THRB: variants seen among roughly 807,000 people sequenced by gnomAD.
The protein encoded by THRB is thyroid hormone receptor beta.
THRB carries 12 observed loss-of-function variants against 47.8 expected under a neutral mutation model. The ratio of observed to expected loss-of-function variants is 0.25; its 90% CI spans 0.16 to 0.41. The LOEUF is 0.41. THRB is among the 10% of genes least tolerant of loss of function. The probability of loss-of-function intolerance (pLI) is 1.00; values close to 1 mark genes in which losing one functional copy is unlikely to be tolerated. For missense variants in THRB, 348 were observed against 589.2 expected, an observed-to-expected ratio of 0.59 and a Z score of 4.24; for synonymous variants, 218 against 212.2, an observed-to-expected ratio of 1.03 and a Z score of -0.24.
chr3:24,248,035 G>T (rs936086596), intron 3 of THRB, among the ~76,000 whole-genome samples: 2 of 152,084 alleles, frequency 1.3e-5, no homozygotes, highest in Admixed American at 6.5e-5. Context: ...TACTTAAGTG[G>T]CAGGAAAACC....
intron 3 of THRB, among the ~76,000 whole-genome samples, chr3:24,283,802 C>G (rs897468096): frequency 6.6e-6 from 1 of 151,884 alleles, no homozygotes; most frequent in African/African-American, 2.4e-5. Context: ...AGACAGAGAG[C>G]CAAATCATGA....
chr3:24,398,666 G>C (rs1037746857), intron 1 of THRB, among the ~76,000 whole-genome samples: 4 of 152,290 alleles, frequency 2.6e-5, no homozygotes, highest in Non-Finnish European at 5.9e-5. Flanking sequence ...GGAAGTCAGT[G>C]TGGCGATTCC....
At chr3:24,126,330 G>A (rs974615066) in intron 10 of THRB, among the ~76,000 whole-genome samples, 2 of 151,982 alleles carry the variant, frequency 1.3e-5, no homozygotes, top group Non-Finnish European at 2.9e-5. Context: ...GCGATGAGCT[G>A]TCTTTACACC....
chr3:24,432,065 T>C (rs138647707), intron 1 of THRB, among the ~76,000 whole-genome samples: 1 of 152,170 alleles, frequency 6.6e-6, no homozygotes, highest in African/African-American at 2.4e-5. Context: ...ATACTACATA[T>C]TTAATATCAA....
chr3:24,251,848 A>T (rs2050703121), intron 3 of THRB, among the ~76,000 whole-genome samples: 1 of 152,120 alleles, frequency 6.6e-6, no homozygotes, highest in South Asian at 2.1e-4. Flanking sequence ...AAAATTTGGA[A>T]AAGACAGCAT....
At chr3:24,389,226 T>G (rs1230523061) in intron 1 of THRB, among the ~76,000 whole-genome samples, 1 of 152,146 alleles carries the variant, frequency 6.6e-6, no homozygotes, top group Admixed American at 6.6e-5. Context: ...TAGAATTCCT[T>G]TACTGACTGA....
At chr3:24,304,476 G>A (rs2057191338) in intron 2 of THRB, among the ~76,000 whole-genome samples, 1 of 151,828 alleles carries the variant, frequency 6.6e-6, no homozygotes, top group East Asian at 1.9e-4. Context: ...AAGCTATCTA[G>A]TATTAATAAA....
intron 3 of THRB, among the ~76,000 whole-genome samples, chr3:24,255,295 C>T (rs914842608): frequency 3.3e-5 from 5 of 152,146 alleles, no homozygotes; most frequent in Admixed American, 1.3e-4. Context: ...TACTGATTAA[C>T]CCCTGTGCTA....
At chr3:24,221,598 CCTTCTGTAAAGGGTGA>C (rs2047168183) in intron 4 of THRB, among the ~76,000 whole-genome samples, 1 of 152,078 alleles carries the variant, frequency 6.6e-6, no homozygotes, top group Non-Finnish European at 1.5e-5. Flanking sequence ...GTAAAGGGTG[CCTTCTGTAAAGGGTGA>C]CTTCTAGGAA....
chr3:24,365,508 A>C (rs989850982), intron 1 of THRB, among the ~76,000 whole-genome samples: 2 of 152,214 alleles, frequency 1.3e-5, no homozygotes, highest in Non-Finnish European at 2.9e-5. Flanking sequence ...AACTTGGGCC[A>C]TAGATAAGAT....
intron 3 of THRB, among the ~76,000 whole-genome samples, chr3:24,271,596 C>G (rs1400154951): frequency 6.6e-6 from 1 of 152,032 alleles, no homozygotes; most frequent in African/African-American, 2.4e-5. Flanking sequence ...AGAAAATACA[C>G]CCCCCTGGGC....
At chr3:24,287,633 C>G (rs1364821308) in intron 3 of THRB, among the ~76,000 whole-genome samples, 1 of 152,182 alleles carries the variant, frequency 6.6e-6, no homozygotes, top group Non-Finnish European at 1.5e-5. Flanking sequence ...AGCGTTGTCC[C>G]AGCTTTCTGC....
intron 3 of THRB, among the ~76,000 whole-genome samples, chr3:24,246,245 A>C (rs2050101274): frequency 6.6e-6 from 1 of 152,226 alleles, no homozygotes; most frequent in Admixed American, 6.5e-5. Flanking sequence ...ATTGGGTACC[A>C]GAGACCTAAT....
chr3:24,249,050 G>A (rs9843631), intron 3 of THRB, among the ~76,000 whole-genome samples: 132,179 of 152,146 alleles, frequency 0.87, 57,937 homozygotes, highest in African/African-American at 0.97. Flanking sequence ...CTACACTTGT[G>A]AAAGTGCAGT....
intron 3 of THRB, among the ~76,000 whole-genome samples, chr3:24,247,946 G>A (rs1195658065): frequency 6.6e-6 from 1 of 151,628 alleles, no homozygotes; most frequent in Non-Finnish European, 1.5e-5. Context: ...TGGCTAGGCT[G>A]AAACCAATTA....
intron 5 of THRB, among the ~76,000 whole-genome samples, chr3:24,174,562 A>ATCTT (rs1329219560): frequency 6.6e-6 from 1 of 152,268 alleles, no homozygotes; most frequent in East Asian, 1.9e-4. Flanking sequence ...GCTTGCAATA[A>ATCTT]TCTTTAGTTT....
intron 1 of THRB, among the ~76,000 whole-genome samples, chr3:24,416,698 A>G (rs1422887087): frequency 6.6e-6 from 1 of 151,852 alleles, no homozygotes; most frequent in East Asian, 2.0e-4. Flanking sequence ...TAGAAGGGAT[A>G]AAATGCAGTT....
rs149769221 is a variant in THRB, at chr3:24,232,049, T to C, written c.-42-3048A>G. 2.7e-3 allele frequency among the ~76,000 whole-genome samples: 405 copies of C among 152,298 alleles called. 1 individual carries two copies. Among genetic ancestry groups the C allele is most frequent in the Middle Eastern group, 6.8e-3 (2 of 294 alleles). ...CATTCATTAAAACATGCCCTGTTTC[T>C]CTCTGGTCAGGGAAGGGTTTTCAGT... On this transcript the variant is annotated intron_variant, in intron 3 of 10. Coordinates refer to ENST00000646209, the MANE Select transcript of THRB (RefSeq NM_001354712.2).
intron 2 of THRB, among the ~76,000 whole-genome samples, chr3:24,302,800 C>T (rs2057043824): frequency 6.6e-6 from 1 of 152,146 alleles, no homozygotes; most frequent in South Asian, 2.1e-4. Flanking sequence ...ATATATAAGC[C>T]CTATGCAGAA....
Sources: allele counts gnomAD v4.1 joint callset (sites outside exome capture counted in the v4.1 genomes callset), GRCh38; gene constraint gnomAD v4.1.1; transcripts MANE v1.5; gene names NCBI Gene and HGNC (gene_info 2026-07-23, HGNC 2026-07-21).